The following DPP9 variants were observed in gnomAD, a reference collection of about 807,000 sequenced individuals.
DPP9 encodes dipeptidyl peptidase IV-related protein-2.
A neutral mutation model predicts 110.7 loss-of-function variants in DPP9; 50 were observed. That is an observed-to-expected ratio of 0.45 (90% confidence interval 0.36 to 0.57). The LOEUF (loss-of-function observed/expected upper bound fraction) is 0.57. DPP9 is among the 20% of genes least tolerant of loss of function. The pLI, the probability that DPP9 is intolerant of heterozygous loss-of-function variation, is 0.00. For synonymous variants in DPP9, 561 were observed against 514.4 expected (o/e 1.09, Z -1.23); for missense variants, 1,022 against 1,217.9 (o/e 0.84, Z 2.39).
intron 2 of DPP9, among the ~76,000 whole-genome samples, chr19:4,721,014 G>A (rs1159984555): frequency 1.3e-5 from 2 of 152,228 alleles, no homozygotes; most frequent in African/African-American, 2.4e-5. Flanking sequence ...GCAGTCTCTT[G>A]GGGATCCATG....
At position 4,676,497 on chromosome 19, in the gene DPP9, C is replaced by A. The variant is rs916705481; in HGVS notation, c.*67G>T. ...GGGGCCCGCGGGCCACTCAGTCCCT[C>A]CCGCCTGGTTCCCCGCGGAGGCTGC... On this transcript the variant is annotated 3_prime_UTR_variant, in exon 22 of 22. Coordinates refer to ENST00000262960, the MANE Select transcript of DPP9 (RefSeq NM_139159.5). This position sits in a 1 kb window ranked among gnomAD's most constrained non-coding sequence, Gnocchi z 4.0. 2 of 1,405,412 alleles carry A rather than the reference C, an allele frequency of 1.4e-6. No individual in the cohort carries two copies. The highest frequency in any genetic ancestry group is 2.0e-6 in the Non-Finnish European group (2 of 1,014,840). 87.1% of individuals were successfully genotyped at this position (1,405,412 alleles called of 1,614,324 possible).
rs1006140313 is a variant in DPP9, at chr19:4,700,715, C to T, written c.1013-438G>A. On this transcript the variant is annotated intron_variant, in intron 9 of 21. Transcript: ENST00000262960. The surrounding 1 kb of genome is among the most constrained non-coding windows in gnomAD (Gnocchi z 4.3). ...GTGTCCCATGCAAAACCAGGGAGCC[C>T]GTGTGACAGCCAGACCTGCGCCCTC... is the stretch of plus-strand genomic sequence containing the variant. Among the ~76,000 whole-genome samples the T allele has an allele frequency of 6.6e-6, 1 of 152,186 alleles. No homozygotes were observed. The highest frequency in any genetic ancestry group is 1.5e-5 in the Non-Finnish European group (1 of 68,028).
chr19:4,684,809 C>A lies in DPP9; in HGVS notation c.2032G>T (p.Val678Leu). The A allele has an allele frequency of 6.3e-7, 1 of 1,590,356 alleles. No individual in the cohort carries two copies. The highest frequency in any genetic ancestry group is 8.6e-7 in the Non-Finnish European group (1 of 1,169,186). Residue 678 changes from valine (V) to leucine (L), a missense_variant and splice_region_variant, in exon 18 of 22, where the codon GTG (valine) becomes TTG (leucine). By Grantham distance (32) the Val-to-Leu change is conservative (BLOSUM62 1). This residue lies in a region of DPP9 where 3 missense variants were observed against 16.9 expected (regional missense o/e 0.18). Transcript: ENST00000262960. The surrounding 1 kb of genome is among the most constrained non-coding windows in gnomAD (Gnocchi z 4.8). The stretch of plus-strand genomic sequence containing the variant: ...TTGAAGGAGTTATTCACCAGCTGCA[C>A]CTGTGGGGAGGTGAGGGCCAGCAGT... ...TVLFVYGGPQ[V>L]QLVNNSFKGI...
intron 11 of DPP9, among the ~76,000 whole-genome samples, chr19:4,696,398 TC>T (rs2145620064): frequency 6.7e-6 from 1 of 148,210 alleles, no homozygotes; most frequent in Admixed American, 6.8e-5. Flanking sequence ...GGTGGGCGGG[TC>T]GCTTGAGCCC....
chr19:4,682,991 G>T lies in DPP9; in HGVS notation c.2332-153C>A, dbSNP rs985978871. 2 of 1,530,800 alleles carry T rather than the reference G, an allele frequency of 1.3e-6. No individual in the cohort carries two copies. The highest frequency in any genetic ancestry group is 1.7e-6 in the Non-Finnish European group (2 of 1,144,852). 94.8% of individuals were successfully genotyped at this position (1,530,800 alleles called of 1,614,324 possible). A position where few individuals can be genotyped will look rare whatever the true frequency, so the allele number is the denominator to read the frequency against. The stretch of plus-strand genomic sequence containing the variant: ...CCGGCAAGGAAGGGGCCCTCAGACC[G>T]CGTGGCCCCCGTGGACGGTGCGTGG... On this transcript the variant is annotated intron_variant, in intron 19 of 21. Transcript: ENST00000262960. This position sits in a 1 kb window ranked among gnomAD's most constrained non-coding sequence, Gnocchi z 7.1.
In DPP9 at chr19:4,711,708, A is replaced by G. The variant is rs543788636; in HGVS notation, c.313+2373T>C. Among the ~76,000 whole-genome samples, 26 of 137,070 alleles carry G rather than the reference A, an allele frequency of 1.9e-4. No individual in the cohort carries two copies. In the East Asian group the frequency reaches 6.0e-3, roughly 31 times the overall value. 89.9% of individuals were successfully genotyped at this position (137,070 alleles called of 152,430 possible). A position where few individuals can be genotyped will look rare whatever the true frequency, so the allele number is the denominator to read the frequency against. ...GAATCGCTTGAACCCAGGAGGCGGA[A>G]GTTGCAGTGAGCCAAGATTGCGCCA... On this transcript the variant is annotated intron_variant, in intron 4 of 21. Transcript: ENST00000262960.
chr19:4,676,313 G>C lies in DPP9; in HGVS notation c.*251C>G, dbSNP rs2088826450. 2 of 532,744 alleles carry C rather than the reference G, an allele frequency of 3.8e-6. No individual in the cohort carries two copies. The highest frequency in any genetic ancestry group is 1.9e-5 in the African/African-American group (1 of 52,238). 33.0% of individuals were successfully genotyped at this position (532,744 alleles called of 1,614,324 possible). ...CTCCTCCTCCCAGAAGGCGGGGAGA[G>C]GAGGGGCTGGCCCGAGACCACCATC... On this transcript the variant is annotated 3_prime_UTR_variant, in exon 22 of 22. Coordinates refer to ENST00000262960, the MANE Select transcript of DPP9 (RefSeq NM_139159.5). The surrounding 1 kb of genome is among the most constrained non-coding windows in gnomAD (Gnocchi z 4.0).
intron 3 of DPP9, 123 bp downstream of exon 3, chr19:4,719,728 T>C: frequency 8.7e-7 from 1 of 1,148,984 alleles, no homozygotes; most frequent in East Asian, 2.6e-5. Context: ...AGAACAGTCT[T>C]GGGGACGTGC....
At chr19:4,716,145 A>C (rs1010609294) in intron 3 of DPP9, 1 of 152,272 alleles carries the variant, frequency 6.6e-6, no homozygotes, top group African/African-American at 2.4e-5. Context: ...GGGAGTGGAC[A>C]GCAGGGACTG....
chr19:4,682,713 C>G lies in DPP9; in HGVS notation c.2457G>C (p.Val819=). Residue 819 remains valine, a synonymous_variant, in exon 20 of 22, where the codon GTG becomes GTC. Transcript: ENST00000262960. The surrounding 1 kb of genome is among the most constrained non-coding windows in gnomAD (Gnocchi z 7.1). ...GYEAGSVALH[V]EKLPNEPNRL... is the part of the protein sequence containing the mutation. Reference sequence around the variant, plus strand: ...GGCCTTACTCATTGGGCAGCTTCTCCACGTGCAGGGCCACGGAACCCGCCT... The same window carrying G: ...GGCCTTACTCATTGGGCAGCTTCTCGACGTGCAGGGCCACGGAACCCGCCT... The G allele has an allele frequency of 6.2e-7, 1 of 1,609,948 alleles. No individual in the cohort carries two copies. The highest frequency in any genetic ancestry group is 1.1e-5 in the South Asian group (1 of 90,124).
In DPP9 at chr19:4,676,381, G is replaced by C. The variant is rs987580940; in HGVS notation, c.*183C>G. The stretch of plus-strand genomic sequence containing the variant: ...AAGAAGCAGCGGACATAAAACCCAA[G>C]AGCGTTTAAAAAAGGATAAAAGGCG... On this transcript the variant is annotated 3_prime_UTR_variant, in exon 22 of 22. Coordinates refer to ENST00000262960, the MANE Select transcript of DPP9 (RefSeq NM_139159.5). The surrounding 1 kb of genome is among the most constrained non-coding windows in gnomAD (Gnocchi z 4.0). 9.9e-5 allele frequency: 60 copies of C among 604,080 alleles called. No individual in the cohort carries two copies. Among genetic ancestry groups the C allele is most frequent in the Non-Finnish European group, 1.6e-4 (54 of 337,442 alleles). The allele number at this position is 604,080 out of a possible 1,614,324, so 37.4% of individuals were successfully genotyped here.
chr19:4,708,418 A>C (rs995012846), intron 4 of DPP9, among the ~76,000 whole-genome samples: 1 of 152,188 alleles, frequency 6.6e-6, no homozygotes, highest in African/African-American at 2.4e-5. Context: ...GGGACGGTTC[A>C]GGGCACTCCC....
At chr19:4,683,207 C>T (rs1260636708) in intron 19 of DPP9, 5 of 1,428,218 alleles carry the variant, frequency 3.5e-6, no homozygotes, top group Admixed American at 2.8e-5. Context: ...CATCCGAGGC[C>T]GGGGTCCCGG....
At chr19:4,716,616 G>A (rs1337401587) in intron 3 of DPP9, among the ~76,000 whole-genome samples, 2 of 151,454 alleles carry the variant, frequency 1.3e-5, no homozygotes, top group African/African-American at 2.4e-5. Context: ...CAGCCTGGGC[G>A]ACAGAGTGAG....
In DPP9 at chr19:4,676,551, C is replaced by G. The variant is rs760855633; in HGVS notation, c.*13G>C. On this transcript the variant is annotated 3_prime_UTR_variant, in exon 22 of 22. Coordinates refer to ENST00000262960, the MANE Select transcript of DPP9 (RefSeq NM_139159.5). The surrounding 1 kb of genome is among the most constrained non-coding windows in gnomAD (Gnocchi z 4.0). ...CACTTGTGCTGTGATGTGGCGGCTC[C>G]CGGTGGGCAGGCTCAGAGGTATTCC... 6.3e-7 allele frequency: 1 copy of G among 1,584,536 alleles called. No individual in the cohort carries two copies. Among genetic ancestry groups the G allele is most frequent in the Non-Finnish European group, 8.6e-7 (1 of 1,166,300 alleles).
At position 4,687,532 on chromosome 19, in the gene DPP9, T is replaced by G. The variant is rs1482483892; in HGVS notation, c.1885+1225A>C. Among the ~76,000 whole-genome samples, 1 of 152,144 alleles carries G rather than the reference T, an allele frequency of 6.6e-6. No individual in the cohort carries two copies. Among genetic ancestry groups the G allele is most frequent in the African/African-American group, 2.4e-5 (1 of 41,440 alleles). On this transcript the variant is annotated intron_variant, in intron 16 of 21. Transcript: ENST00000262960. The surrounding 1 kb of genome is among the most constrained non-coding windows in gnomAD (Gnocchi z 4.7). The stretch of plus-strand genomic sequence containing the variant: ...TCCAGGTTCTGGGCAAGGTGTCAGG[T>G]TGCCTCATTTCCTGAGGCCCCCCTG...
intron 21 of DPP9, among the ~76,000 whole-genome samples, chr19:4,677,814 C>T (rs184052691): frequency 6.6e-6 from 1 of 152,356 alleles, no homozygotes; most frequent in Admixed American, 6.5e-5. Context: ...TTCCTCTTGG[C>T]TAAGAGGGCA....
chr19:4,714,034 G>A, intron 4 of DPP9, 47 bp downstream of exon 4: 3 of 1,556,924 alleles, frequency 1.9e-6, no homozygotes, highest in Non-Finnish European at 2.6e-6. Flanking sequence ...GGGAACTGTG[G>A]TCCCAGATGC....
rs969051828 is a variant in DPP9 at position 4,694,696 on chromosome 19, C to T, written c.1481G>A (p.Gly494Asp). Residue 494 changes from glycine to aspartate, a missense_variant, in exon 13 of 22, where the codon GGC (glycine) becomes GAC (aspartate). Physicochemically the swap from Gly to Asp is moderately conservative, Grantham distance 94 (BLOSUM62 -1). This residue lies in a region of DPP9 where 810 missense variants were observed against 920.6 expected (regional missense o/e 0.88). Coordinates refer to ENST00000262960, the MANE Select transcript of DPP9 (RefSeq NM_139159.5). This position sits in a 1 kb window ranked among gnomAD's most constrained non-coding sequence, Gnocchi z 4.0. ...GCTGAAGGGCTCACTCCAATCGTAG[C>T]CCTGGGATTTTAAAACGGCGGTGAC... ...YKVTAVLKSQ[G>D]YDWSEPFSPG... is the part of the protein sequence containing the mutation. The T allele has an allele frequency of 1.2e-6, 2 of 1,612,828 alleles. No homozygotes were observed. Among genetic ancestry groups the T allele is most frequent in the African/African-American group, 2.7e-5 (2 of 74,896 alleles).
Sources: gnomAD v4.1 joint callset for allele counts (sites outside exome capture counted in the v4.1 genomes callset) on GRCh38, gnomAD v4.1.1 for gene constraint, gnomAD v4.1.1 regional missense constraint, Gnocchi (gnomAD v3.1) non-coding constraint, MANE v1.5 for transcripts, NCBI Gene and HGNC (gene_info 2026-07-23, HGNC 2026-07-21) for gene names.